CPQ: variants seen among roughly 807,000 people sequenced by gnomAD.
CPQ encodes the protein carboxypeptidase Q.
CPQ carries 37 observed loss-of-function variants against 45.7 expected under a neutral mutation model. The observed-to-expected ratio is 0.81, with a 90% CI of 0.62 to 1.07. CPQ has a LOEUF of 1.07. CPQ is among the 50% of genes least tolerant of loss of function. The pLI, the probability that CPQ is intolerant of heterozygous loss-of-function variation, is 0.00. For synonymous variants in CPQ, 186 were observed against 205.8 expected (o/e 0.90, Z 0.82); for missense variants, 537 against 572.9 (o/e 0.94, Z 0.64).
intron 2 of CPQ, among the ~76,000 whole-genome samples, chr8:96,803,964 G>A (rs767269199): frequency 9.9e-5 from 15 of 152,184 alleles, no homozygotes; most frequent in Non-Finnish European, 2.2e-4. Context: ...ACACAGATGA[G>A]TCAAATGAGG....
Position 96,976,748 on chromosome 8 carries a change from G to T in CPQ, c.961+10702G>T, listed in dbSNP as rs1434914121. Among the ~76,000 whole-genome samples the T allele has an allele frequency of 2.6e-5, 4 of 152,042 alleles. No individual in the cohort carries two copies. In the East Asian group the frequency reaches 7.7e-4, roughly 29 times the overall value. On this transcript the variant is annotated intron_variant, in intron 5 of 7. Coordinates refer to ENST00000220763, the MANE Select transcript of CPQ (RefSeq NM_016134.4). ...AAAGCAAACAAAAACATAAAGTGGA[G>T]AAAAGACGCCTATTCAATAAATGGT...
At chr8:97,022,985 G>GTA (rs1325866351) in intron 5 of CPQ, among the ~76,000 whole-genome samples, 112 of 144,298 alleles carry the variant, frequency 7.8e-4, no homozygotes, top group African/African-American at 2.5e-3. Flanking sequence ...ACTGTATATA[G>GTA]TATATATATA....
chr8:96,999,409 A>G (rs554304086), intron 5 of CPQ, among the ~76,000 whole-genome samples: 2 of 151,686 alleles, frequency 1.3e-5, no homozygotes, highest in East Asian at 1.9e-4. Context: ...TCCTCCAAAA[A>G]GCCCTAGTGT....
intron 7 of CPQ, among the ~76,000 whole-genome samples, chr8:97,104,679 A>C (rs1446895170): frequency 1.3e-5 from 2 of 152,166 alleles, no homozygotes; most frequent in African/African-American, 2.4e-5. Flanking sequence ...TCTTGCACAA[A>C]ATATTCCCTG....
intron 3 of CPQ, among the ~76,000 whole-genome samples, chr8:96,875,873 A>G (rs1404672175): frequency 2.0e-5 from 3 of 152,000 alleles, no homozygotes; most frequent in Non-Finnish European, 4.4e-5. Context: ...CGTTAAATCC[A>G]TAAATCAACT....
At chr8:97,008,117 G>T (rs984941519) in intron 5 of CPQ, among the ~76,000 whole-genome samples, 2 of 144,168 alleles carry the variant, frequency 1.4e-5, no homozygotes, top group African/African-American at 5.3e-5. Context: ...AAGGCTTGAG[G>T]ACATGACCTG....
At chr8:96,926,045 C>A (rs1261472272) in intron 4 of CPQ, among the ~76,000 whole-genome samples, 1 of 152,154 alleles carries the variant, frequency 6.6e-6, no homozygotes, top group Non-Finnish European at 1.5e-5. Context: ...GTTGAGAACA[C>A]CACTGTACCT....
chr8:97,062,664 C>G (rs1240465399), intron 6 of CPQ, among the ~76,000 whole-genome samples: 1 of 152,070 alleles, frequency 6.6e-6, no homozygotes, highest in Non-Finnish European at 1.5e-5. Flanking sequence ...TGTGTTGTTC[C>G]TCTCTATCTG....
At chr8:96,826,248 A>G (rs1811377599) in intron 2 of CPQ, among the ~76,000 whole-genome samples, 1 of 151,992 alleles carries the variant, frequency 6.6e-6, no homozygotes, top group South Asian at 2.1e-4. Flanking sequence ...GTGTGATAGG[A>G]GGAGGAAGTA....
chr8:96,900,228 T>A (rs1038997356), intron 4 of CPQ, among the ~76,000 whole-genome samples: 3 of 152,198 alleles, frequency 2.0e-5, no homozygotes, highest in African/African-American at 7.2e-5. Context: ...ATTTTTGCCT[T>A]GGAATGTGTA....
intron 6 of CPQ, among the ~76,000 whole-genome samples, chr8:97,040,278 C>T (rs1424915633): frequency 1.3e-5 from 2 of 152,188 alleles, no homozygotes; most frequent in Non-Finnish European, 2.9e-5. Flanking sequence ...GCATAAATGT[C>T]TTCTTTTGAG....
At chr8:96,956,770 A>G (rs373173854) in intron 4 of CPQ, among the ~76,000 whole-genome samples, 5 of 152,206 alleles carry the variant, frequency 3.3e-5, no homozygotes, top group African/African-American at 1.2e-4. Context: ...TAATTTTTGC[A>G]ACATCTCCTT....
At chr8:96,656,813 C>T (rs1192133762) in intron 1 of CPQ, among the ~76,000 whole-genome samples, 1 of 152,166 alleles carries the variant, frequency 6.6e-6, no homozygotes, top group Non-Finnish European at 1.5e-5. Flanking sequence ...TCTGATTGTG[C>T]ACCACCACTG....
intron 5 of CPQ, among the ~76,000 whole-genome samples, chr8:96,968,952 G>T (rs892386062): frequency 7.9e-5 from 12 of 152,186 alleles, no homozygotes; most frequent in Admixed American, 7.9e-4. Context: ...GTGGTTTACT[G>T]GACTTGAAAC....
chr8:97,020,666 T>C (rs1809662477), intron 5 of CPQ, among the ~76,000 whole-genome samples: 1 of 152,126 alleles, frequency 6.6e-6, no homozygotes, highest in South Asian at 2.1e-4. Flanking sequence ...CTTCCTAGCT[T>C]AGATCGGAAA....
intron 4 of CPQ, among the ~76,000 whole-genome samples, chr8:96,940,303 T>C (rs1813107865): frequency 2.0e-5 from 3 of 152,168 alleles, no homozygotes; most frequent in African/African-American, 7.2e-5. Flanking sequence ...AAGGTTAACA[T>C]TGCTACCATA....
chr8:96,942,970 A>C (rs1407048250), intron 4 of CPQ, among the ~76,000 whole-genome samples: 1 of 152,182 alleles, frequency 6.6e-6, no homozygotes, highest in Non-Finnish European at 1.5e-5. Context: ...CCTATGATGT[A>C]CTTATAGCTA....
chr8:96,911,062 A>G (rs149305223), intron 4 of CPQ, among the ~76,000 whole-genome samples: 99 of 152,236 alleles, frequency 6.5e-4, no homozygotes, highest in African/African-American at 2.3e-3. Flanking sequence ...ACTTTTTATG[A>G]TGTGAATACT....
chr8:97,097,108 C>T (rs1811222106), intron 7 of CPQ, among the ~76,000 whole-genome samples: 1 of 152,212 alleles, frequency 6.6e-6, no homozygotes, highest in African/African-American at 2.4e-5. Flanking sequence ...GCTCAGTGAA[C>T]TTGACCTTGA....
Sources: gnomAD v4.1 joint callset for allele counts (sites outside exome capture counted in the v4.1 genomes callset) on GRCh38, gnomAD v4.1.1 for gene constraint, MANE v1.5 for transcripts, NCBI Gene and HGNC (gene_info 2026-07-23, HGNC 2026-07-21) for gene names.